FAM227B: variants seen among roughly 807,000 people sequenced by gnomAD.
FAM227B encodes the protein protein FAM227B.
FAM227B carries 88 observed loss-of-function variants against 73.8 expected under a neutral mutation model. The ratio of observed to expected loss-of-function variants is 1.19; its 90% CI spans 1.00 to 1.42. The LOEUF (loss-of-function observed/expected upper bound fraction) is 1.42. FAM227B is among the 40% of genes most tolerant of loss of function. FAM227B has a pLI of 0.00. For missense variants in FAM227B, 632 were observed against 590.9 expected (o/e 1.07, Z -0.72); for synonymous variants, 210 against 190.5 (o/e 1.10, Z -0.84).
chr15:49,513,244 C>T (rs1023486936), intron 10 of FAM227B, among the ~76,000 whole-genome samples: 1 of 152,200 alleles, frequency 6.6e-6, no homozygotes, highest in Non-Finnish European at 1.5e-5. Context: ...GTTCCTATTT[C>T]TCCACAGCCT....
intron 13 of FAM227B, among the ~76,000 whole-genome samples, chr15:49,352,073 G>A (rs2042334758): frequency 6.6e-6 from 1 of 152,152 alleles, no homozygotes; most frequent in African/African-American, 2.4e-5. Context: ...CCTCATTTAT[G>A]TGTCTGGGGC....
At chr15:49,339,823 C>T (rs890601550) in intron 13 of FAM227B, among the ~76,000 whole-genome samples, 12 of 152,098 alleles carry the variant, frequency 7.9e-5, no homozygotes, top group African/African-American at 1.4e-4. Flanking sequence ...ATGCCCTGCC[C>T]GTAGAGGAAT....
At chr15:49,382,245 CAAT>C (rs890210509) in intron 11 of FAM227B, among the ~76,000 whole-genome samples, 15 of 151,842 alleles carry the variant, frequency 9.9e-5, no homozygotes, top group Admixed American at 1.3e-4. Context: ...ATGTATAAAA[CAAT>C]AATGATTGAA....
chr15:49,356,461 C>T (rs1467123012), intron 13 of FAM227B, among the ~76,000 whole-genome samples: 12 of 150,148 alleles, frequency 8.0e-5, no homozygotes, highest in African/African-American at 2.9e-4. Flanking sequence ...AGACTTTAAA[C>T]CAACAAAGAT....
intron 11 of FAM227B, among the ~76,000 whole-genome samples, chr15:49,476,140 CTCTA>C (rs964077619): frequency 1.6e-4 from 24 of 151,710 alleles, no homozygotes; most frequent in Admixed American, 1.4e-3. Context: ...CTAATTCAAG[CTCTA>C]TCTATTCCTC....
chr15:49,572,284 A>T (rs191733808), intron 8 of FAM227B, among the ~76,000 whole-genome samples: 1 of 152,012 alleles, frequency 6.6e-6, no homozygotes, highest in Non-Finnish European at 1.5e-5. Flanking sequence ...TGTTACAAAC[A>T]GAGATATTTC....
At chr15:49,569,521 T>C (rs1236555654) in intron 8 of FAM227B, among the ~76,000 whole-genome samples, 2 of 151,958 alleles carry the variant, frequency 1.3e-5, no homozygotes, top group Admixed American at 1.3e-4. Flanking sequence ...TAAATCATAA[T>C]TGTGTTTATT....
At chr15:49,574,976 C>A in intron 8 of FAM227B, 35 bp downstream of exon 8, 5 of 1,320,906 alleles carry the variant, frequency 3.8e-6, no homozygotes, top group South Asian at 2.7e-5. Flanking sequence ...TGCCAAAAAT[C>A]AACTTAAAAA....
At chr15:49,404,154 T>C (rs1192137686) in intron 11 of FAM227B, among the ~76,000 whole-genome samples, 1 of 152,168 alleles carries the variant, frequency 6.6e-6, no homozygotes. Flanking sequence ...GAGTTCTGCA[T>C]TTGCTGAGGA....
At chr15:49,608,059 T>C (rs905111414) in intron 3 of FAM227B, among the ~76,000 whole-genome samples, 1 of 152,032 alleles carries the variant, frequency 6.6e-6, no homozygotes, top group African/African-American at 2.4e-5. Context: ...CGAAAGAAAA[T>C]CAACACTACT....
In FAM227B at chr15:49,359,038, T is replaced by C. The variant is rs1217335898; in HGVS notation, c.1271+8410A>G. ...GCTGGGAAAACTGGCTAGCCATATG[T>C]ATAAAGCTGAAACTCGATCCCTTCC... On this transcript the variant is annotated intron_variant, in intron 13 of 15. Coordinates refer to ENST00000299338, the MANE Select transcript of FAM227B (RefSeq NM_152647.3). Among the ~76,000 whole-genome samples, 11 of 152,206 alleles carry C rather than the reference T, an allele frequency of 7.2e-5. No homozygotes were observed. In the East Asian group the frequency reaches 1.2e-3, roughly 16 times the overall value.
chr15:49,466,764 G>A (rs551495911), intron 11 of FAM227B, among the ~76,000 whole-genome samples: 1 of 152,102 alleles, frequency 6.6e-6, no homozygotes, highest in South Asian at 2.1e-4. Context: ...AATTGTTTCT[G>A]GTAAGAGCTT....
intron 13 of FAM227B, among the ~76,000 whole-genome samples, chr15:49,358,821 T>C (rs1490683479): frequency 2.6e-5 from 4 of 152,042 alleles, no homozygotes; most frequent in Non-Finnish European, 5.9e-5. Context: ...GACATCACAC[T>C]ACCTGACTTC....
Position 49,585,008 on chromosome 15 carries a change from A to T in FAM227B, c.405+3008T>A, listed in dbSNP as rs1017740353. Among the ~76,000 whole-genome samples, 8 of 152,054 alleles carry T rather than the reference A, an allele frequency of 5.3e-5. No individual in the cohort carries two copies. In the South Asian group the frequency reaches 1.7e-3, roughly 32 times the overall value. ...ACAAATTACAAGAAAAAAACAAACA[A>T]CCCCATCAAAAAGTGGGCGAAGGAT... On this transcript the variant is annotated intron_variant, in intron 5 of 15. Coordinates refer to ENST00000299338, the MANE Select transcript of FAM227B (RefSeq NM_152647.3).
intron 12 of FAM227B, among the ~76,000 whole-genome samples, chr15:49,368,178 GA>G (rs554045271): frequency 1.8e-4 from 26 of 144,528 alleles, no homozygotes; most frequent in Middle Eastern, 3.6e-3. Flanking sequence ...GGTGCTGATG[GA>G]AAAAAAAAAA....
rs374835516 is a variant in FAM227B, at chr15:49,353,833, T to C, written c.1271+13615A>G. On this transcript the variant is annotated intron_variant, in intron 13 of 15. Transcript: ENST00000299338. ...CTAATTTATCCTTTTAAAAATGTGA[T>C]TGCATTACTAGGTTCTTACCATATG... 1.7e-4 allele frequency: 26 copies of C among 152,328 alleles called. 1 individual carries two copies. In the East Asian group the frequency reaches 3.5e-3, roughly 20 times the overall value. The allele number at this position is 152,328 out of a possible 1,614,324, so 9.4% of individuals were successfully genotyped here.
intron 10 of FAM227B, among the ~76,000 whole-genome samples, chr15:49,540,024 C>G (rs1254916478): frequency 2.0e-5 from 3 of 152,108 alleles, no homozygotes; most frequent in Non-Finnish European, 4.4e-5. Flanking sequence ...GGTCCTGGCC[C>G]TGGGTAGCAC....
At chr15:49,497,059 C>T (rs1202461995) in intron 11 of FAM227B, among the ~76,000 whole-genome samples, 1 of 152,058 alleles carries the variant, frequency 6.6e-6, no homozygotes, top group Non-Finnish European at 1.5e-5. Flanking sequence ...GAAGATTATT[C>T]AGCACCTATG....
chr15:49,396,509 C>T (rs926452946), intron 11 of FAM227B: 21 of 166,026 alleles, frequency 1.3e-4, no homozygotes, highest in Non-Finnish European at 2.1e-4. Context: ...CTCAAGGAGG[C>T]CTGCCTGCCT....
Sources: allele counts gnomAD v4.1 joint callset (sites outside exome capture counted in the v4.1 genomes callset), GRCh38; gene constraint gnomAD v4.1.1; transcripts MANE v1.5; gene names NCBI Gene and HGNC (gene_info 2026-07-23, HGNC 2026-07-21).